NEURL1B: variants seen among roughly 807,000 people sequenced by gnomAD.
The protein encoded by NEURL1B is E3 ubiquitin-protein ligase NEURL1B.
Under a neutral mutation model 37.4 loss-of-function variants are expected in NEURL1B, and 13 were observed. The ratio of observed to expected loss-of-function variants is 0.35; its 90% CI spans 0.23 to 0.55. The LOEUF is 0.55. Among genes scored for constraint, NEURL1B ranks in the 20% least tolerant of loss-of-function variants. The probability of loss-of-function intolerance (pLI) is 0.89; values close to 1 mark genes in which losing one functional copy is unlikely to be tolerated. For missense variants in NEURL1B, 790 were observed against 879.2 expected, an observed-to-expected ratio of 0.90 and a Z score of 1.28; for synonymous variants, 432 against 426.6, an observed-to-expected ratio of 1.01 and a Z score of -0.16.
Position 172,686,058 on chromosome 5 carries a change from C to A in NEURL1B, c.1298-113C>A. On this transcript the variant is annotated intron_variant, in intron 3 of 4. Transcript: ENST00000369800. The surrounding 1 kb of genome is among the most constrained non-coding windows in gnomAD (Gnocchi z 7.9). ...TCCTCAGCAGAACCCTGGGAGATAC[C>A]TCTGGTCCTCTCGTTAGACGGGAAA... is the stretch of plus-strand genomic sequence containing the variant. 1 of 1,297,852 alleles carries A rather than the reference C, an allele frequency of 7.7e-7. No homozygotes were observed. The highest frequency in any genetic ancestry group is 1.1e-6 in the Non-Finnish European group (1 of 949,284). The allele number at this position is 1,297,852 out of a possible 1,614,324, so 80.4% of individuals were successfully genotyped here.
Position 172,669,982 on chromosome 5 carries a change from C to A in NEURL1B, c.229C>A (p.Arg77=), listed in dbSNP as rs1035999402. The change falls in exon 2 of 5, where the codon CGG becomes AGG. Residue 77 remains arginine (R), a synonymous_variant. Coordinates refer to ENST00000369800, the MANE Select transcript of NEURL1B (RefSeq NM_001142651.3). ...CGTCACGTTCACGCAGCGGCCCATC[C>A]GGCTGTACGAGCAGGTGCGGCTGCG... ...NGVTFTQRPI[R]LYEQVRLRLV... 6 of 1,465,956 alleles carry A rather than the reference C, an allele frequency of 4.1e-6. No homozygotes were observed. Among genetic ancestry groups the A allele is most frequent in the Middle Eastern group, 1.8e-4 (1 of 5,708 alleles). The allele number at this position is 1,465,956 out of a possible 1,614,324, so 90.8% of individuals were successfully genotyped here.
At chr5:172,651,190 CT>C (rs890462068) in intron 1 of NEURL1B, among the ~76,000 whole-genome samples, 3 of 152,158 alleles carry the variant, frequency 2.0e-5, no homozygotes, top group East Asian at 1.9e-4. Context: ...TCTTTTCAAA[CT>C]TTTTTTAACA....
intron 1 of NEURL1B, among the ~76,000 whole-genome samples, chr5:172,651,377 G>A (rs978782080): frequency 2.0e-5 from 3 of 152,162 alleles, no homozygotes; most frequent in African/African-American, 2.4e-5. Context: ...TCATGGCTGC[G>A]AGGGAAATAA....
intron 3 of NEURL1B, 116 bp downstream of exon 3, chr5:172,684,254 G>T: frequency 1.1e-6 from 1 of 948,152 alleles, no homozygotes; most frequent in Non-Finnish European, 1.3e-6. Context: ...ACCGCCCGAG[G>T]CCAGCCCGCG....
chr5:172,672,548 C>CCCG (rs988047601), intron 2 of NEURL1B, among the ~76,000 whole-genome samples: 1 of 148,436 alleles, frequency 6.7e-6, no homozygotes, highest in African/African-American at 2.5e-5. Flanking sequence ...TCTCCCCCCC[C>CCCG]CACTCTATTT....
At chr5:172,679,010 C>A (rs6864176) in intron 2 of NEURL1B, among the ~76,000 whole-genome samples, 10,660 of 152,338 alleles carry the variant, frequency 0.07, 437 homozygotes, top group South Asian at 0.12. Flanking sequence ...CTCCTCGTAC[C>A]TGACTGGGGA....
At position 172,669,859 on chromosome 5, in the gene NEURL1B, G is replaced by A. The variant is rs1420377843; in HGVS notation, c.106G>A (p.Gly36Ser). 7.2e-7 allele frequency: 1 copy of A among 1,392,424 alleles called. No homozygotes were observed. The highest frequency in any genetic ancestry group is 9.3e-7 in the Non-Finnish European group (1 of 1,072,444). The allele number at this position is 1,392,424 out of a possible 1,614,324, so 86.3% of individuals were successfully genotyped here. ...GPGPERRPVLGEAPRFHAQAK... is the reference protein window; with the variant it reads ...GPGPERRPVLSEAPRFHAQAK... Reference sequence around the variant, plus strand: ...CGGCCCCGAGCGACGCCCGGTCCTGGGCGAGGCGCCGCGCTTCCACGCGCA... The same window carrying A: ...CGGCCCCGAGCGACGCCCGGTCCTGAGCGAGGCGCCGCGCTTCCACGCGCA... The change falls in exon 2 of 5, where the codon GGC becomes AGC. Residue 36 changes from glycine to serine, a missense_variant. Gly to Ser is a moderately conservative substitution (Grantham distance 56). Around this residue, in one of 3 missense-constraint regions of NEURL1B, gnomAD observed 215 missense variants for 309.2 expected, o/e 0.70. Coordinates refer to ENST00000369800, the MANE Select transcript of NEURL1B (RefSeq NM_001142651.3).
In NEURL1B at chr5:172,647,487, G is replaced by A. The variant is rs1757580728; in HGVS notation, c.31+6050G>A. On this transcript the variant is annotated intron_variant, in intron 1 of 4. Coordinates refer to ENST00000369800, the MANE Select transcript of NEURL1B (RefSeq NM_001142651.3). This position sits in a 1 kb window ranked among gnomAD's most constrained non-coding sequence, Gnocchi z 4.2. The stretch of plus-strand genomic sequence containing the variant: ...GGCCAGGAAGTGGCAGAGTGAATTG[G>A]ATCCCAGGCACGCTGGGCTCCACAC... Among the ~76,000 whole-genome samples, 1 of 152,038 alleles carries A rather than the reference G, an allele frequency of 6.6e-6. No individual in the cohort carries two copies. The highest frequency in any genetic ancestry group is 6.5e-5 in the Admixed American group (1 of 15,272).
In NEURL1B at chr5:172,662,820, C is replaced by T. The variant is rs138104301; in HGVS notation, c.32-6965C>T. On this transcript the variant is annotated intron_variant, in intron 1 of 4. Transcript: ENST00000369800. ...CCTAACCACCCACAGACACTCATCACCCACCCTCCAAATCTCTGCCATGCA... is the reference window on the plus strand; with the variant it reads ...CCTAACCACCCACAGACACTCATCATCCACCCTCCAAATCTCTGCCATGCA... Among the ~76,000 whole-genome samples the T allele has an allele frequency of 2.5e-4, 37 of 147,288 alleles. No individual in the cohort carries two copies. The East Asian group carries it at 6.9e-3, about 28-fold the overall frequency.
At chr5:172,644,833 G>A (rs1757531893) in intron 1 of NEURL1B, among the ~76,000 whole-genome samples, 1 of 152,208 alleles carries the variant, frequency 6.6e-6, no homozygotes, top group African/African-American at 2.4e-5. Flanking sequence ...GAAAAAAAGT[G>A]TAAGCAGGTG....
intron 2 of NEURL1B, among the ~76,000 whole-genome samples, chr5:172,674,452 C>T (rs1353320813): frequency 1.3e-5 from 2 of 152,096 alleles, no homozygotes; most frequent in East Asian, 3.9e-4. Flanking sequence ...AGGAAAGTGA[C>T]TAGCTTAGAA....
intron 1 of NEURL1B, among the ~76,000 whole-genome samples, chr5:172,660,414 C>A (rs1450930975): frequency 6.6e-6 from 1 of 152,158 alleles, no homozygotes; most frequent in Non-Finnish European, 1.5e-5. Flanking sequence ...GCATTGCGAC[C>A]TCTGGCCTCT....
chr5:172,673,506 C>A (rs1259538516), intron 2 of NEURL1B, among the ~76,000 whole-genome samples: 2 of 152,056 alleles, frequency 1.3e-5, no homozygotes, highest in Non-Finnish European at 2.9e-5. Context: ...AACCTGAAAA[C>A]CAACAAACAA....
At position 172,641,335 on chromosome 5, in the gene NEURL1B, C is replaced by G. The variant is rs1187403994; in HGVS notation, c.-72C>G. 1 of 1,344,734 alleles carries G rather than the reference C, an allele frequency of 7.4e-7. No homozygotes were observed. The highest frequency in any genetic ancestry group is 1.5e-5 in the African/African-American group (1 of 65,390). 83.3% of individuals were successfully genotyped at this position (1,344,734 alleles called of 1,614,324 possible). On this transcript the variant is annotated 5_prime_UTR_variant, in exon 1 of 5. Coordinates refer to ENST00000369800, the MANE Select transcript of NEURL1B (RefSeq NM_001142651.3). This position sits in a 1 kb window ranked among gnomAD's most constrained non-coding sequence, Gnocchi z 6.4. ...CCGGAGCGTCGACCCCGGTCCTGGTCCCTGGCCCGCCGCGTAATTAGCCTC... is the reference window on the plus strand; with the variant it reads ...CCGGAGCGTCGACCCCGGTCCTGGTGCCTGGCCCGCCGCGTAATTAGCCTC...
In NEURL1B at chr5:172,683,613, G is replaced by A. The variant is rs1758411673; in HGVS notation, c.772G>A (p.Ala258Thr). The change falls in exon 3 of 5, where the codon GCC (alanine) becomes ACC (threonine). Residue 258 changes from alanine to threonine, a missense_variant. Transcript: ENST00000369800. The surrounding 1 kb of genome is among the most constrained non-coding windows in gnomAD (Gnocchi z 5.6). ...ACCGCCAGCCGACGCCGCGGCCGCC[G>A]CCATTCCGTGCGGGCCCCGTGAGCG... Reference protein sequence around the residue: ...GPPPADAAAAAIPCGPRERPR... With the variant: ...GPPPADAAAATIPCGPRERPR... 3.2e-6 allele frequency: 4 copies of A among 1,253,346 alleles called. No individual in the cohort carries two copies. Among genetic ancestry groups the A allele is most frequent in the South Asian group, 4.2e-5 (2 of 47,454 alleles). 77.6% of individuals were successfully genotyped at this position (1,253,346 alleles called of 1,614,324 possible).
At chr5:172,653,621 A>G (rs796314413) in intron 1 of NEURL1B, among the ~76,000 whole-genome samples, 17 of 152,332 alleles carry the variant, frequency 1.1e-4, no homozygotes, top group African/African-American at 4.1e-4. Context: ...TTACAATTTA[A>G]CGTTTTAAAA....
chr5:172,645,651 T>C (rs1297266080), intron 1 of NEURL1B, among the ~76,000 whole-genome samples: 1 of 152,208 alleles, frequency 6.6e-6, no homozygotes, highest in Admixed American at 6.5e-5. Context: ...TCACTTGGGC[T>C]TTACCTTGCT....
Position 172,675,213 on chromosome 5 carries a change from A to G in NEURL1B, c.577+4883A>G, listed in dbSNP as rs1407344301. ...TTAAAAATAGGTAGATTTGTTTTAT[A>G]TGCTTATGTGGATGGTATTGTGCTA... On this transcript the variant is annotated intron_variant, in intron 2 of 4. Transcript: ENST00000369800. The surrounding 1 kb of genome is among the most constrained non-coding windows in gnomAD (Gnocchi z 4.7). 2.6e-5 allele frequency among the ~76,000 whole-genome samples: 4 copies of G among 152,056 alleles called. No homozygotes were observed. Among genetic ancestry groups the G allele is most frequent in the Non-Finnish European group, 5.9e-5 (4 of 68,008 alleles).
rs150258983 is a variant in NEURL1B at position 172,647,360 on chromosome 5, A to G, written c.31+5923A>G. Among the ~76,000 whole-genome samples, 2 of 152,212 alleles carry G rather than the reference A, an allele frequency of 1.3e-5. No individual in the cohort carries two copies. The highest frequency in any genetic ancestry group is 2.9e-5 in the Non-Finnish European group (2 of 68,006). ...TGCCCTGCACTAGGCCCTTTATTCCATCCCATTGAAGCCGTCATGAGAGCC... is the reference window on the plus strand; with the variant it reads ...TGCCCTGCACTAGGCCCTTTATTCCGTCCCATTGAAGCCGTCATGAGAGCC... On this transcript the variant is annotated intron_variant, in intron 1 of 4. Transcript: ENST00000369800. This position sits in a 1 kb window ranked among gnomAD's most constrained non-coding sequence, Gnocchi z 4.2.
Sources: allele counts gnomAD v4.1 joint callset (sites outside exome capture counted in the v4.1 genomes callset), GRCh38; gene constraint gnomAD v4.1.1; regional missense constraint gnomAD v4.1.1; non-coding constraint Gnocchi (gnomAD v3.1); transcripts MANE v1.5; gene names NCBI Gene and HGNC (gene_info 2026-07-23, HGNC 2026-07-21).